CCDC102B: variants seen among roughly 807,000 people sequenced by gnomAD.
CCDC102B encodes the protein coiled-coil domain-containing protein 102B.
CCDC102B carries 75 observed loss-of-function variants against 57.4 expected under a neutral mutation model. That is an observed-to-expected ratio of 1.31 (90% CI 1.08 to 1.58). The LOEUF is 1.58. CCDC102B is among the 40% of genes most tolerant of loss of function. The pLI, the probability that CCDC102B is intolerant of heterozygous loss-of-function variation, is 0.00. For missense variants in CCDC102B, 636 were observed against 582.6 expected (o/e 1.09, Z -0.94); for synonymous variants, 206 against 201.9 (o/e 1.02, Z -0.17).
intron 4 of CCDC102B, among the ~76,000 whole-genome samples, chr18:68,852,247 A>AT (rs997894148): frequency 4.6e-5 from 7 of 151,704 alleles, no homozygotes; most frequent in African/African-American, 1.7e-4. Flanking sequence ...CTTCCCACTC[A>AT]TTTTTTTTCT....
At chr18:68,787,614 G>C (rs1316360961) in intron 2 of CCDC102B, among the ~76,000 whole-genome samples, 1 of 150,392 alleles carries the variant, frequency 6.6e-6, no homozygotes, top group Admixed American at 6.6e-5. Flanking sequence ...GTTTATTTGC[G>C]TAGAGGTGTT....
chr18:68,742,784 A>G (rs1453738361), intron 2 of CCDC102B, among the ~76,000 whole-genome samples: 1 of 152,180 alleles, frequency 6.6e-6, no homozygotes, highest in Non-Finnish European at 1.5e-5. Flanking sequence ...GAGGCTGCAT[A>G]GTGCTTTGTT....
rs557502423 is a variant in CCDC102B at position 68,977,171 on chromosome 18, G to T, written c.1264-33763G>T. 1.5e-3 allele frequency among the ~76,000 whole-genome samples: 233 copies of T among 152,070 alleles called. 1 individual carries two copies. Among genetic ancestry groups the T allele is most frequent in the Non-Finnish European group, 2.1e-3 (141 of 67,922 alleles). ...ATTGGGTTGTATGTGTTATTTTGTA[G>T]CATATATCCAGATTGACCTTGATAT... On this transcript the variant is annotated intron_variant, in intron 6 of 7. Transcript: ENST00000360242.
intron 7 of CCDC102B, among the ~76,000 whole-genome samples, chr18:69,032,823 C>T (rs930114751): frequency 6.6e-6 from 1 of 152,026 alleles, no homozygotes; most frequent in African/African-American, 2.4e-5. Flanking sequence ...TAAGCACCAG[C>T]TTTGTAGGAT....
At chr18:68,849,941 A>C (rs1314142558) in intron 4 of CCDC102B, among the ~76,000 whole-genome samples, 1 of 152,100 alleles carries the variant, frequency 6.6e-6, no homozygotes, top group East Asian at 1.9e-4. Context: ...AGGCCATCTG[A>C]TCAGAGATTA....
intron 6 of CCDC102B, among the ~76,000 whole-genome samples, chr18:68,999,465 G>A (rs2051141048): frequency 6.7e-6 from 1 of 149,940 alleles, no homozygotes; most frequent in Non-Finnish European, 1.5e-5. Context: ...AAAAAACCCA[G>A]TATGGTGGTG....
At chr18:68,990,083 A>G (rs1452660917) in intron 6 of CCDC102B, among the ~76,000 whole-genome samples, 1 of 152,198 alleles carries the variant, frequency 6.6e-6, no homozygotes, top group Non-Finnish European at 1.5e-5. Context: ...AATTACAGGC[A>G]ATTATCAGTG....
intron 2 of CCDC102B, among the ~76,000 whole-genome samples, chr18:68,763,925 T>C (rs1314780712): frequency 2.0e-5 from 3 of 152,112 alleles, no homozygotes; most frequent in African/African-American, 4.8e-5. Flanking sequence ...TTGAATGCCA[T>C]GTGCCTAAAC....
At chr18:68,949,320 G>C (rs2049629755) in intron 6 of CCDC102B, among the ~76,000 whole-genome samples, 3 of 152,088 alleles carry the variant, frequency 2.0e-5, no homozygotes, top group South Asian at 4.1e-4. Context: ...ATAAGAGATG[G>C]AAAATAACTG....
intron 2 of CCDC102B, among the ~76,000 whole-genome samples, chr18:68,788,838 T>G (rs1181801243): frequency 6.6e-6 from 1 of 152,160 alleles, no homozygotes; most frequent in Non-Finnish European, 1.5e-5. Context: ...CATTTAAAGT[T>G]AATATTGTTA....
At chr18:68,872,221 T>C (rs955518330) in intron 4 of CCDC102B, among the ~76,000 whole-genome samples, 32 of 152,140 alleles carry the variant, frequency 2.1e-4, no homozygotes, top group African/African-American at 7.2e-4. Context: ...GAGTAGGAAG[T>C]TGGACATGTG....
intron 5 of CCDC102B, among the ~76,000 whole-genome samples, chr18:68,880,509 G>A (rs1281274211): frequency 7.9e-5 from 12 of 152,232 alleles, no homozygotes; most frequent in Admixed American, 2.0e-4. Context: ...CAGAGGAGGC[G>A]CCGAGAGCCA....
At chr18:69,012,928 T>C (rs2051558599) in intron 7 of CCDC102B, among the ~76,000 whole-genome samples, 1 of 151,958 alleles carries the variant, frequency 6.6e-6, no homozygotes, top group Non-Finnish European at 1.5e-5. Context: ...ACTGCTCCAA[T>C]ATAAGAACAA....
intron 4 of CCDC102B, among the ~76,000 whole-genome samples, chr18:68,850,848 C>A (rs903015277): frequency 6.6e-6 from 1 of 151,992 alleles, no homozygotes; most frequent in Non-Finnish European, 1.5e-5. Context: ...ACCTCTTTCC[C>A]CTCCTACACC....
At position 68,776,144 on chromosome 18, in the gene CCDC102B, G is replaced by T. The variant is rs532748563; in HGVS notation, c.-66-47222G>T. Among the ~76,000 whole-genome samples the T allele has an allele frequency of 5.3e-5, 8 of 151,982 alleles. No individual in the cohort carries two copies. The South Asian group carries it at 1.5e-3, about 28-fold the overall frequency. On this transcript the variant is annotated intron_variant, in intron 2 of 3. Transcript: ENST00000578970. ...TTCATAGTTTCCATCTTTTTTATCT[G>T]TGGAGTGTATTCTGGGTTTTTCTTT...
intron 4 of CCDC102B, among the ~76,000 whole-genome samples, chr18:68,850,365 GT>G (rs1423357495): frequency 6.6e-6 from 1 of 151,924 alleles, no homozygotes; most frequent in African/African-American, 2.4e-5. Context: ...AAGTGGAAGG[GT>G]TTTTTTCTCC....
At chr18:68,955,372 T>G (rs1280875976) in intron 6 of CCDC102B, among the ~76,000 whole-genome samples, 1 of 152,172 alleles carries the variant, frequency 6.6e-6, no homozygotes, top group African/African-American at 2.4e-5. Flanking sequence ...GAATCTAGAC[T>G]TACACTGTAG....
chr18:68,777,373 C>A (rs2034857688), intron 2 of CCDC102B, among the ~76,000 whole-genome samples: 1 of 152,172 alleles, frequency 6.6e-6, no homozygotes, highest in African/African-American at 2.4e-5. Flanking sequence ...TAGGCTTTCT[C>A]TCCTCTCTCT....
intron 6 of CCDC102B, among the ~76,000 whole-genome samples, chr18:68,993,668 T>C (rs1211136088): frequency 1.3e-5 from 2 of 152,234 alleles, no homozygotes; most frequent in African/African-American, 4.8e-5. Flanking sequence ...AAAGTCTAAC[T>C]AGTTAATCTT....
Sources: allele counts gnomAD v4.1 joint callset (sites outside exome capture counted in the v4.1 genomes callset), GRCh38; gene constraint gnomAD v4.1.1; transcripts MANE v1.5; gene names NCBI Gene and HGNC (gene_info 2026-07-23, HGNC 2026-07-21).